CSMD2: variants seen among roughly 807,000 people sequenced by gnomAD.
The protein encoded by CSMD2 is CUB and Sushi multiple domains 2.
In CSMD2, 130 loss-of-function variants were observed where a neutral mutation model predicts 398.5. The observed-to-expected ratio is 0.33, with a 90% CI of 0.28 to 0.38. The LOEUF is 0.38. CSMD2 is among the 10% of genes least tolerant of loss of function. CSMD2 has a pLI of 1.00. For missense variants in CSMD2, 3,829 were observed against 4,764.9 expected, an observed-to-expected ratio of 0.80 and a Z score of 5.78; for synonymous variants, 1,828 against 1,908.5, an observed-to-expected ratio of 0.96 and a Z score of 1.10.
chr1:34,126,898 AAGAC>A (rs1216637530), intron 1 of CSMD2, among the ~76,000 whole-genome samples: 3 of 151,744 alleles, frequency 2.0e-5, no homozygotes, highest in South Asian at 2.1e-4. Flanking sequence ...GGTAGAAAGA[AAGAC>A]AGAGCAGAGA....
At position 33,636,501 on chromosome 1, in the gene CSMD2, C is replaced by A. The variant is rs978604422; in HGVS notation, c.4828G>T (p.Val1610Leu). The change falls in exon 30 of 71, where the codon GTG becomes TTG. Residue 1610 changes from valine to leucine, a missense_variant. By Grantham distance (32) the Val-to-Leu change is conservative. Transcript: ENST00000373381. This position sits in a 1 kb window ranked among gnomAD's most constrained non-coding sequence, Gnocchi z 4.8. ...DPGSIKNGTR[V>L]GSDLKLGSSV... is the part of the protein sequence containing the mutation. ...GAGCCCAGCTTCAGGTCGGACCCCA[C>A]CCGTGTGCCGTTCTTGATGGAACCA... 1.2e-6 allele frequency: 2 copies of A among 1,614,184 alleles called. No individual in the cohort carries two copies. Among genetic ancestry groups the A allele is most frequent in the Middle Eastern group, 1.6e-4 (1 of 6,062 alleles).
chr1:33,725,293 TTTGACC>T, intron 17 of CSMD2, 50 bp downstream of exon 17: 7 of 1,514,610 alleles, frequency 4.6e-6, no homozygotes, highest in Non-Finnish European at 6.4e-6. Flanking sequence ...TCCTGAGGCC[TTTGACC>T]CACCTGGGCT....
chr1:33,775,856 G>A (rs1000746072), intron 12 of CSMD2, among the ~76,000 whole-genome samples: 27 of 152,220 alleles, frequency 1.8e-4, no homozygotes, highest in African/African-American at 6.5e-4. Flanking sequence ...ACAATGTAGG[G>A]ACCAGCAGAA....
At chr1:33,866,894 G>A (rs562570283) in intron 5 of CSMD2, among the ~76,000 whole-genome samples, 172 of 152,358 alleles carry the variant, frequency 1.1e-3, no homozygotes, top group African/African-American at 3.8e-3. Flanking sequence ...CTTACAGGTT[G>A]TTTTAGCAAT....
At chr1:33,891,782 A>T (rs1003315283) in intron 5 of CSMD2, among the ~76,000 whole-genome samples, 1 of 151,520 alleles carries the variant, frequency 6.6e-6, no homozygotes, top group East Asian at 1.9e-4. Flanking sequence ...CATCATTCCC[A>T]GTAAACTATC....
At chr1:33,804,949 C>G in intron 10 of CSMD2, 1 of 713,670 alleles carries the variant, frequency 1.4e-6, no homozygotes, top group South Asian at 1.5e-5. Context: ...CTCAGCACTA[C>G]CTGAAGCCCA....
chr1:33,653,789 G>GAAACC lies in CSMD2; in HGVS notation c.4448-1333_4448-1329dup, dbSNP rs1336012167. On this transcript the variant is annotated intron_variant, in intron 27 of 70. Coordinates refer to ENST00000373381, the MANE Select transcript of CSMD2 (RefSeq NM_001281956.2). The stretch of plus-strand genomic sequence containing the variant: ...AAGACTATAGGTATGGTTTGGTCTG[G>GAAACC]AAACCACAGGGCACCATCAGAGGTT... Among the ~76,000 whole-genome samples, 3 of 152,228 alleles carry GAAACC rather than the reference G, an allele frequency of 2.0e-5. No homozygotes were observed. The East Asian group carries it at 5.8e-4, about 29-fold the overall frequency.
intron 3 of CSMD2, among the ~76,000 whole-genome samples, chr1:34,017,212 G>C (rs556469747): frequency 6.6e-6 from 1 of 152,264 alleles, no homozygotes; most frequent in East Asian, 1.9e-4. Context: ...GGTAATTAAA[G>C]CTATATAAAA....
intron 13 of CSMD2, among the ~76,000 whole-genome samples, chr1:33,746,631 T>G (rs1217963277): frequency 6.6e-6 from 1 of 152,216 alleles, no homozygotes; most frequent in East Asian, 1.9e-4. Context: ...GTTTAGCTGT[T>G]GATGGTCAGT....
chr1:34,157,665 C>A (rs766651770), intron 1 of CSMD2, among the ~76,000 whole-genome samples: 2 of 147,618 alleles, frequency 1.4e-5, no homozygotes, highest in Non-Finnish European at 3.0e-5. Context: ...CCCTCTCGAT[C>A]CCATCCCCGA....
chr1:33,640,092 AT>A (rs1643025005), intron 29 of CSMD2, among the ~76,000 whole-genome samples: 1 of 152,226 alleles, frequency 6.6e-6, no homozygotes, highest in Non-Finnish European at 1.5e-5. Flanking sequence ...CTAAAACATC[AT>A]GGTGATTATA....
chr1:33,618,023 G>A (rs2148861487), intron 37 of CSMD2, among the ~76,000 whole-genome samples: 2 of 152,108 alleles, frequency 1.3e-5, no homozygotes, highest in South Asian at 4.2e-4. Context: ...CTAAGACAGA[G>A]AGACAGAGAG....
chr1:33,900,888 G>A (rs1642711217), intron 5 of CSMD2, among the ~76,000 whole-genome samples: 1 of 152,218 alleles, frequency 6.6e-6, no homozygotes, highest in South Asian at 2.1e-4. Context: ...ACTGTTGAAG[G>A]TATATTAAGG....
chr1:33,609,324 G>A (rs1640843848), intron 41 of CSMD2, among the ~76,000 whole-genome samples: 1 of 152,198 alleles, frequency 6.6e-6, no homozygotes, highest in South Asian at 2.1e-4. Context: ...TACCCCCTCA[G>A]TATTCTTCTC....
chr1:33,725,406 G>C lies in CSMD2; in HGVS notation c.2638C>G (p.Leu880Val). The C allele has an allele frequency of 6.2e-7, 1 of 1,614,140 alleles. No homozygotes were observed. Among genetic ancestry groups the C allele is most frequent in the Non-Finnish European group, 8.5e-7 (1 of 1,179,994 alleles). Residue 880 changes from leucine to valine, a missense_variant, in exon 17 of 71, where the codon CTC becomes GTC. Physicochemically the swap from Leu to Val is conservative, Grantham distance 32. Around this residue, in one of 5 missense-constraint regions of CSMD2, gnomAD observed 2,001 missense variants for 2,567.1 expected, o/e 0.78. Transcript: ENST00000373381. Reference sequence around the variant, plus strand: ...TGACTCTTGTCGGTAGAGAAGAGGAGGTAGAGGTAGTTGCTGGTGCTGATG... The same window carrying C: ...TGACTCTTGTCGGTAGAGAAGAGGACGTAGAGGTAGTTGCTGGTGCTGATG... The part of the protein sequence containing the change: ...FLISTSNYLY[L>V]LFSTDKSHSD...
At chr1:33,714,468 G>A (rs1646095769) in intron 21 of CSMD2, 119 bp downstream of exon 21, 30 of 1,189,970 alleles carry the variant, frequency 2.5e-5, no homozygotes, top group Non-Finnish European at 3.6e-5. Flanking sequence ...GCAGGTAAGT[G>A]TGGTAAGTGT....
chr1:33,715,847 T>C (rs1646148196), intron 20 of CSMD2, among the ~76,000 whole-genome samples: 1 of 152,196 alleles, frequency 6.6e-6, no homozygotes, highest in African/African-American at 2.4e-5. Flanking sequence ...ACTACAAAAT[T>C]AGCATTGATG....
intron 55 of CSMD2, among the ~76,000 whole-genome samples, chr1:33,555,371 A>C (rs1221568606): frequency 6.6e-6 from 1 of 152,232 alleles, no homozygotes; most frequent in Non-Finnish European, 1.5e-5. Flanking sequence ...AAGAATCAGG[A>C]AACTACTTTT....
chr1:33,681,920 C>T (rs1344688633), intron 25 of CSMD2, among the ~76,000 whole-genome samples: 1 of 152,114 alleles, frequency 6.6e-6, no homozygotes, highest in Admixed American at 6.5e-5. Flanking sequence ...GAGCTGAAAT[C>T]GCACCACTGC....
Sources: gnomAD v4.1 joint callset for allele counts (sites outside exome capture counted in the v4.1 genomes callset) on GRCh38, gnomAD v4.1.1 for gene constraint, gnomAD v4.1.1 regional missense constraint, Gnocchi (gnomAD v3.1) non-coding constraint, MANE v1.5 for transcripts, NCBI Gene and HGNC (gene_info 2026-07-23, HGNC 2026-07-21) for gene names.